NTMT1: variants seen among roughly 807,000 people sequenced by gnomAD.
The protein encoded by NTMT1 is N-terminal RCC1 methyltransferase.
A neutral mutation model predicts 17.5 loss-of-function variants in NTMT1; 8 were observed. The ratio of observed to expected loss-of-function variants is 0.46; its 90% CI spans 0.27 to 0.82. NTMT1 has a LOEUF of 0.82. Ranked by LOEUF, NTMT1 falls within the 40% of genes least tolerant of loss-of-function variation. NTMT1 has a pLI of 0.15. For synonymous variants in NTMT1, 128 were observed against 126.8 expected (o/e 1.01, Z -0.06); for missense variants, 221 against 303.5 (o/e 0.73, Z 2.02).
chr9:129,620,368 G>A lies in NTMT1; in HGVS notation c.-55+11190G>A. On this transcript the variant is annotated intron_variant, in intron 1 of 3. Transcript: ENST00000372486. This position sits in a 1 kb window ranked among gnomAD's most constrained non-coding sequence, Gnocchi z 5.8. ...GCGGGAGGCGTCCGACGCCCACCCCGGGCTTGGCGTCCCCTTCCGGCCACC... is the reference window on the plus strand; with the variant it reads ...GCGGGAGGCGTCCGACGCCCACCCCAGGCTTGGCGTCCCCTTCCGGCCACC... 7.3e-6 allele frequency: 9 copies of A among 1,228,034 alleles called. No individual in the cohort carries two copies. Among genetic ancestry groups the A allele is most frequent in the Non-Finnish European group, 8.1e-6 (8 of 985,960 alleles). The allele number at this position is 1,228,034 out of a possible 1,614,324, so 76.1% of individuals were successfully genotyped here.
rs367635789 is a variant in NTMT1 at position 129,629,747 on chromosome 9, C to T, written c.-54-2903C>T. Among the ~76,000 whole-genome samples, 12 of 152,302 alleles carry T rather than the reference C, an allele frequency of 7.9e-5. No individual in the cohort carries two copies. The South Asian group carries it at 2.5e-3, about 32-fold the overall frequency. Reference sequence around the variant, plus strand: ...TGACTGCTGCCTTTCTTCATTGTGGCTGAAACCCTTGTGCGTGAACAGTAA... The same window carrying T: ...TGACTGCTGCCTTTCTTCATTGTGGTTGAAACCCTTGTGCGTGAACAGTAA... On this transcript the variant is annotated intron_variant, in intron 1 of 3. Transcript: ENST00000372483.
Position 129,620,555 on chromosome 9 carries a change from C to A in NTMT1, c.-55+11377C>A. 7.2e-7 allele frequency: 1 copy of A among 1,389,532 alleles called. No individual in the cohort carries two copies. The highest frequency in any genetic ancestry group is 2.7e-5 in the Admixed American group (1 of 36,438). The allele number at this position is 1,389,532 out of a possible 1,614,324, so 86.1% of individuals were successfully genotyped here. ...GGGCGCCAGGTCCTGGGCCCCTGGG[C>A]GAAGTCGACGCCAGAACATGCTTGG... On this transcript the variant is annotated intron_variant, in intron 1 of 3. Coordinates refer to the NTMT1 transcript ENST00000372486. This position sits in a 1 kb window ranked among gnomAD's most constrained non-coding sequence, Gnocchi z 5.8.
rs1830078127 is a variant in NTMT1 at position 129,610,192 on chromosome 9, GGAGGA to G, written c.-55+1016_-55+1020del. 5.4e-5 allele frequency among the ~76,000 whole-genome samples: 7 copies of G among 128,950 alleles called. No homozygotes were observed. In the South Asian group the frequency reaches 2.0e-3, roughly 37 times the overall value. The allele number at this position is 128,950 out of a possible 152,430, so 84.6% of individuals were successfully genotyped here. ...TGCGGGCCGAGCCACAGGGGAGGGG[GGAGGA>G]GGGGGGGAGGAGGGAGGGGGAGGGG... On this transcript the variant is annotated intron_variant, in intron 1 of 3. Coordinates refer to the NTMT1 transcript ENST00000372486.
intron 1 of NTMT1, chr9:129,615,788 C>T (rs753617077): frequency 3.1e-6 from 3 of 961,064 alleles, no homozygotes; most frequent in Admixed American, 3.9e-5. Context: ...TCACAGCAGC[C>T]GGCCTTAACG....
intron 3 of NTMT1, 119 bp from the exon 4 acceptor site, chr9:129,635,089 G>A (rs532557979): frequency 1.7e-6 from 2 of 1,173,470 alleles, no homozygotes; most frequent in African/African-American, 3.0e-5. Context: ...ATGAGGCCAT[G>A]TGTGCACACA....
intron 1 of NTMT1, chr9:129,615,518 G>A: frequency 1.2e-6 from 2 of 1,610,088 alleles, no homozygotes; most frequent in Non-Finnish European, 8.5e-7. Context: ...GGAGCGTTGT[G>A]TCCTGCAGGG....
At position 129,632,809 on chromosome 9, in the gene NTMT1, C is replaced by A; in HGVS notation, c.106C>A (p.His36Asn). The change falls in exon 2 of 4, where the codon CAC becomes AAC. Residue 36 changes from histidine (H) to asparagine (N), a missense_variant. Coordinates refer to ENST00000372483, the MANE Select transcript of NTMT1 (RefSeq NM_014064.4). ...TVDGMLGGYG[H>N]ISSIDINSSR... The stretch of plus-strand genomic sequence containing the variant: ...GGACGGCATGCTTGGGGGGTATGGC[C>A]ACATCTCCAGCATCGACATCAACAG... 1 of 1,614,148 alleles carries A rather than the reference C, an allele frequency of 6.2e-7. No homozygotes were observed.
At chr9:129,630,226 A>G (rs1259911600) in intron 1 of NTMT1, among the ~76,000 whole-genome samples, 1 of 151,214 alleles carries the variant, frequency 6.6e-6, no homozygotes, top group Non-Finnish European at 1.5e-5. Flanking sequence ...TAATCCCAAC[A>G]CCTTGGGAGG....
At chr9:129,610,208 A>G (rs1309787406) in intron 1 of NTMT1, among the ~76,000 whole-genome samples, 6 of 48,948 alleles carry the variant, frequency 1.2e-4, no homozygotes, top group East Asian at 1.7e-3. Flanking sequence ...GGGGGGGAGG[A>G]GGGAGGGGGA....
At chr9:129,610,364 G>T (rs1320684426) in intron 1 of NTMT1, among the ~76,000 whole-genome samples, 3 of 151,714 alleles carry the variant, frequency 2.0e-5, no homozygotes, top group African/African-American at 7.2e-5. Context: ...GGTCGCGGGG[G>T]CGCCGAGACC....
upstream of NTMT1, among the ~76,000 whole-genome samples, chr9:129,624,103 G>T (rs575955100): frequency 6.6e-6 from 1 of 151,842 alleles, no homozygotes; most frequent in East Asian, 1.9e-4. Context: ...CTAACTAGAT[G>T]GTTTCTAAGG....
rs755236847 is a variant in NTMT1, at chr9:129,635,503, G to A, written c.*39G>A. The A allele has an allele frequency of 2.5e-6, 4 of 1,580,254 alleles. No individual in the cohort carries two copies. In the East Asian group the frequency reaches 9.0e-5, roughly 36 times the overall value. On this transcript the variant is annotated 3_prime_UTR_variant, in exon 4 of 4. Coordinates refer to ENST00000372483, the MANE Select transcript of NTMT1 (RefSeq NM_014064.4). The stretch of plus-strand genomic sequence containing the variant: ...GGAGAAACTGAGGAACCACAGTCCT[G>A]GTGGGGGGAGCTGGCAGCTGGGCAA...
In NTMT1 at chr9:129,635,796, C is replaced by A. The variant is rs1031234693; in HGVS notation, c.*332C>A. ...CCGATTCCCTGGGCCTCCAGCCCGGCCTTCCAGCCATGGGCCTGGCTGCCT... is the reference window on the plus strand; with the variant it reads ...CCGATTCCCTGGGCCTCCAGCCCGGACTTCCAGCCATGGGCCTGGCTGCCT... On this transcript the variant is annotated 3_prime_UTR_variant, in exon 4 of 4. Transcript: ENST00000372483. The A allele has an allele frequency of 1.6e-5, 4 of 257,444 alleles. No individual in the cohort carries two copies. The South Asian group carries it at 2.5e-4, about 16-fold the overall frequency. 15.9% of individuals were successfully genotyped at this position (257,444 alleles called of 1,614,324 possible). A position where few individuals can be genotyped will look rare whatever the true frequency, so the allele number is the denominator to read the frequency against.
chr9:129,633,330 G>A (rs1474955116), intron 2 of NTMT1: 6 of 275,378 alleles, frequency 2.2e-5, no homozygotes, highest in Non-Finnish European at 4.0e-5. Context: ...GCTGGCACTG[G>A]AGGCTGCTGT....
Position 129,613,463 on chromosome 9 carries a change from TG to T in NTMT1, c.-55+4287del. ...CCAGCGCAGTCCCAACACGAGGAGC[TG>T]GCCAGGGTCTCCTCCTTGGCCCCAG... On this transcript the variant is annotated intron_variant, in intron 1 of 3. Transcript: ENST00000372486. This position sits in a 1 kb window ranked among gnomAD's most constrained non-coding sequence, Gnocchi z 6.2. 1 of 1,614,034 alleles carries T rather than the reference TG, an allele frequency of 6.2e-7. No individual in the cohort carries two copies. Among genetic ancestry groups the T allele is most frequent in the Non-Finnish European group, 8.5e-7 (1 of 1,180,000 alleles).
upstream of NTMT1, among the ~76,000 whole-genome samples, chr9:129,621,228 C>CT (rs1375747922): frequency 6.6e-6 from 1 of 152,252 alleles, no homozygotes; most frequent in Non-Finnish European, 1.5e-5. Flanking sequence ...CCTCCCAGCC[C>CT]TGGTGCTGCC....
intron 3 of NTMT1, 68 bp from the exon 4 acceptor site, chr9:129,635,140 G>A (rs2118990475): frequency 6.5e-7 from 1 of 1,550,212 alleles, no homozygotes; most frequent in Non-Finnish European, 8.7e-7. Context: ...GGGCTGAGAA[G>A]TACATCCCAT....
chr9:129,633,078 G>C (rs1442893963), intron 2 of NTMT1: 3 of 540,032 alleles, frequency 5.6e-6, no homozygotes, highest in Non-Finnish European at 9.8e-6. Flanking sequence ...GACAGGAGCT[G>C]GCTGTTAGGC....
At chr9:129,612,530 T>C in intron 1 of NTMT1, 1 of 1,153,918 alleles carries the variant, frequency 8.7e-7, no homozygotes, top group Non-Finnish European at 1.3e-6. Context: ...TGGGATTCTG[T>C]GCTGAAGCCC....
Sources: allele counts gnomAD v4.1 joint callset (sites outside exome capture counted in the v4.1 genomes callset), GRCh38; gene constraint gnomAD v4.1.1; non-coding constraint Gnocchi (gnomAD v3.1); transcripts MANE v1.5; gene names NCBI Gene and HGNC (gene_info 2026-07-23, HGNC 2026-07-21).